The following MAGI3 variants were observed in gnomAD, a reference collection of about 807,000 sequenced individuals.
The protein encoded by MAGI3 is membrane associated guanylate kinase, WW and PDZ domain containing 3, also known as membrane-associated guanylate kinase, WW and PDZ domain-containing protein 3.
Under a neutral mutation model 121.8 loss-of-function variants are expected in MAGI3, and 43 were observed. That is an observed-to-expected ratio of 0.35 (90% CI 0.28 to 0.46). The LOEUF (loss-of-function observed/expected upper bound fraction) is 0.46. Ranked by LOEUF, MAGI3 falls within the 20% of genes least tolerant of loss-of-function variation. The probability of loss-of-function intolerance (pLI) is 1.00; values close to 1 mark genes in which losing one functional copy is unlikely to be tolerated. For missense variants in MAGI3, 1,547 were observed against 1,797.3 expected (o/e 0.86, Z 2.52); for synonymous variants, 553 against 639.3 (o/e 0.86, Z 2.04).
intron 1 of MAGI3, among the ~76,000 whole-genome samples, chr1:113,409,178 CT>C (rs1258081716): frequency 2.1e-5 from 3 of 143,304 alleles, no homozygotes; most frequent in African/African-American, 5.1e-5. Context: ...TTTTTTTTTT[CT>C]TTTTTTTTCC....
At chr1:113,548,051 A>G (rs1659615704) in intron 1 of MAGI3, among the ~76,000 whole-genome samples, 1 of 152,232 alleles carries the variant, frequency 6.6e-6, no homozygotes, top group Non-Finnish European at 1.5e-5. Context: ...GTTCATTTAT[A>G]CATATGAGAA....
intron 6 of MAGI3, among the ~76,000 whole-genome samples, chr1:113,604,858 A>G (rs1649654283): frequency 2.0e-5 from 3 of 151,420 alleles, no homozygotes. Context: ...TAAAAACTAC[A>G]TATTGGGTAT....
At chr1:113,503,426 T>C (rs1235424582) in intron 1 of MAGI3, among the ~76,000 whole-genome samples, 3 of 151,660 alleles carry the variant, frequency 2.0e-5, no homozygotes, top group Non-Finnish European at 4.4e-5. Context: ...CTTCATTAAC[T>C]TCTATAATTT....
At chr1:113,646,186 C>G (rs1025161365) in intron 11 of MAGI3, among the ~76,000 whole-genome samples, 8 of 151,886 alleles carry the variant, frequency 5.3e-5, no homozygotes, top group African/African-American at 1.7e-4. Context: ...TTATCTTCAT[C>G]TCAAAGTCAA....
chr1:113,531,157 T>C (rs939799278), intron 1 of MAGI3, among the ~76,000 whole-genome samples: 1 of 152,176 alleles, frequency 6.6e-6, no homozygotes, highest in Non-Finnish European at 1.5e-5. Context: ...TTTTTTAAGT[T>C]AATTTTCATA....
At chr1:113,396,043 T>C (rs1651097300) in intron 1 of MAGI3, among the ~76,000 whole-genome samples, 1 of 152,138 alleles carries the variant, frequency 6.6e-6, no homozygotes, top group Non-Finnish European at 1.5e-5. Context: ...TGATTTTTTT[T>C]CTGCTAATTT....
intron 1 of MAGI3, among the ~76,000 whole-genome samples, chr1:113,543,226 C>T (rs1459785678): frequency 6.6e-6 from 1 of 152,158 alleles, no homozygotes; most frequent in African/African-American, 2.4e-5. Context: ...AAATGGTTAG[C>T]TTAGCCTTAT....
chr1:113,504,095 C>T (rs548417090), intron 1 of MAGI3, among the ~76,000 whole-genome samples: 4 of 151,858 alleles, frequency 2.6e-5, no homozygotes, highest in South Asian at 2.1e-4. Context: ...TAACAAAATA[C>T]GGTTAAAGAG....
At chr1:113,488,997 A>G (rs570869301) in intron 1 of MAGI3, among the ~76,000 whole-genome samples, 1 of 152,060 alleles carries the variant, frequency 6.6e-6, no homozygotes, top group Non-Finnish European at 1.5e-5. Context: ...TCTGGTGAAC[A>G]CCCACATGGA....
chr1:113,672,835 T>C, intron 18 of MAGI3, 94 bp downstream of exon 18: 1 of 1,451,450 alleles, frequency 6.9e-7, no homozygotes, highest in Non-Finnish European at 9.3e-7. Flanking sequence ...TCAGATAAAT[T>C]TGTTTCCAAA....
At chr1:113,489,036 C>G (rs935004565) in intron 1 of MAGI3, among the ~76,000 whole-genome samples, 4 of 152,200 alleles carry the variant, frequency 2.6e-5, no homozygotes, top group African/African-American at 7.2e-5. Context: ...TACTAGCACT[C>G]TGCCACAGCT....
intron 1 of MAGI3, among the ~76,000 whole-genome samples, chr1:113,506,437 T>C (rs1194405742): frequency 6.6e-6 from 1 of 151,796 alleles, no homozygotes; most frequent in African/African-American, 2.4e-5. Context: ...TTGCTAATGG[T>C]TGTAGATCAC....
chr1:113,407,918 A>G (rs1651774920), intron 1 of MAGI3, among the ~76,000 whole-genome samples: 1 of 152,290 alleles, frequency 6.6e-6, no homozygotes, highest in East Asian at 1.9e-4. Context: ...CTGGATTACA[A>G]TGTTAGCACG....
At chr1:113,393,709 A>C (rs938848298) in intron 1 of MAGI3, among the ~76,000 whole-genome samples, 2 of 152,246 alleles carry the variant, frequency 1.3e-5, no homozygotes, top group Admixed American at 6.5e-5. Context: ...CAGAAGAGAC[A>C]AAGATTCTTT....
chr1:113,543,331 T>A (rs917131327), intron 1 of MAGI3, among the ~76,000 whole-genome samples: 1 of 152,204 alleles, frequency 6.6e-6, no homozygotes, highest in African/African-American at 2.4e-5. Flanking sequence ...AAACTATAAT[T>A]AAAACCTACT....
Position 113,462,265 on chromosome 1 carries a change from T to C in MAGI3, c.316+70916T>C, listed in dbSNP as rs551459776. Among the ~76,000 whole-genome samples, 7 of 152,324 alleles carry C rather than the reference T, an allele frequency of 4.6e-5. No individual in the cohort carries two copies. In the East Asian group the frequency reaches 1.2e-3, roughly 25 times the overall value. ...TACTGTAAAGACACATCCATGTGAA[T>C]GTTTATTGCAGCACTATTCACAATA... On this transcript the variant is annotated intron_variant, in intron 1 of 20. Coordinates refer to ENST00000307546, the MANE Select transcript of MAGI3 (RefSeq NM_001142782.2).
chr1:113,595,705 T>C (rs1232809097), intron 6 of MAGI3, among the ~76,000 whole-genome samples: 1 of 152,132 alleles, frequency 6.6e-6, no homozygotes, highest in Non-Finnish European at 1.5e-5. Context: ...TTCTCAACAC[T>C]AAAAACTACA....
chr1:113,642,084 C>T lies in MAGI3; in HGVS notation c.1534C>T (p.Pro512Ser). 6.2e-7 allele frequency: 1 copy of T among 1,614,086 alleles called. No homozygotes were observed. Among genetic ancestry groups the T allele is most frequent in the South Asian group, 1.1e-5 (1 of 91,066 alleles). The stretch of plus-strand genomic sequence containing the variant: ...TGTTGTGGACATTGTTGCTGCTACC[C>T]CTGTCATCAATGGACAGTCATTAAC... ...DPVVDIVAAT[P>S]VINGQSLTKG... is the part of the protein sequence containing the mutation. Residue 512 changes from proline (P) to serine (S), a missense_variant, in exon 10 of 21, where the codon CCT becomes TCT. Coordinates refer to ENST00000307546, the MANE Select transcript of MAGI3 (RefSeq NM_001142782.2).
At chr1:113,655,999 G>A (rs1327270483) in intron 15 of MAGI3, among the ~76,000 whole-genome samples, 2 of 152,138 alleles carry the variant, frequency 1.3e-5, no homozygotes, top group Non-Finnish European at 2.9e-5. Flanking sequence ...TAATGAGATA[G>A]GAAAGAAAGC....
Sources: allele counts gnomAD v4.1 joint callset (sites outside exome capture counted in the v4.1 genomes callset), GRCh38; gene constraint gnomAD v4.1.1; transcripts MANE v1.5; gene names NCBI Gene and HGNC (gene_info 2026-07-23, HGNC 2026-07-21).